Variants in SUSD6 observed in about 807,000 individuals in gnomAD.
SUSD6 encodes the protein sushi domain containing 6.
In SUSD6, 16 loss-of-function variants were observed where a neutral mutation model predicts 28.4. The ratio of observed to expected loss-of-function variants is 0.56; its 90% CI spans 0.38 to 0.86. The LOEUF is 0.86. SUSD6 is among the 40% of genes least tolerant of loss of function. The pLI, the probability that SUSD6 is intolerant of heterozygous loss-of-function variation, is 0.00. For missense variants in SUSD6, 341 were observed against 384.2 expected (o/e 0.89, Z 0.94); for synonymous variants, 147 against 159.6 (o/e 0.92, Z 0.59).
chr14:69,629,186 G>A (rs1055081560), intron 1 of SUSD6, among the ~76,000 whole-genome samples: 3 of 151,840 alleles, frequency 2.0e-5, no homozygotes, highest in African/African-American at 7.3e-5. Flanking sequence ...GAAAGGAGGG[G>A]TTGGTTAGCA....
chr14:69,625,169 C>A (rs1885096891), intron 1 of SUSD6, among the ~76,000 whole-genome samples: 4 of 152,164 alleles, frequency 2.6e-5, no homozygotes, highest in Non-Finnish European at 1.5e-5. Flanking sequence ...TGTTAAGCTC[C>A]AGCTTCTTTA....
chr14:69,644,456 C>T (rs972478288), intron 1 of SUSD6, among the ~76,000 whole-genome samples: 1 of 152,072 alleles, frequency 6.6e-6, no homozygotes, highest in Non-Finnish European at 1.5e-5. Flanking sequence ...TCGAGACCAT[C>T]CTGGCCAACA....
intron 2 of SUSD6, among the ~76,000 whole-genome samples, chr14:69,685,275 A>G (rs551820399): frequency 6.6e-6 from 1 of 152,348 alleles, no homozygotes; most frequent in South Asian, 2.1e-4. Flanking sequence ...TAGAGCCATG[A>G]GGCACATTGA....
intron 1 of SUSD6, among the ~76,000 whole-genome samples, chr14:69,634,041 T>C (rs2139598623): frequency 6.6e-6 from 1 of 152,324 alleles, no homozygotes; most frequent in African/African-American, 2.4e-5. Context: ...GTCAGACTTG[T>C]CTCCCAAGAG....
chr14:69,619,442 CTG>C (rs905681843), intron 1 of SUSD6, among the ~76,000 whole-genome samples: 60 of 152,218 alleles, frequency 3.9e-4, no homozygotes, highest in African/African-American at 1.4e-3. Context: ...TTTTAAATCT[CTG>C]TGCTGTGTAT....
chr14:69,683,687 A>G (rs1277047481), intron 2 of SUSD6, among the ~76,000 whole-genome samples: 1 of 152,224 alleles, frequency 6.6e-6, no homozygotes, highest in Non-Finnish European at 1.5e-5. Context: ...GTGTGGAGAC[A>G]TGCATAGCCA....
At chr14:69,645,228 G>T (rs959612074) in intron 1 of SUSD6, among the ~76,000 whole-genome samples, 4 of 152,122 alleles carry the variant, frequency 2.6e-5, no homozygotes, top group African/African-American at 9.7e-5. Flanking sequence ...ACATGTCCCT[G>T]GAATCCTAAA....
intron 2 of SUSD6, among the ~76,000 whole-genome samples, chr14:69,664,358 G>C (rs547576570): frequency 1.3e-5 from 2 of 152,192 alleles, no homozygotes. Context: ...TTGCCAAGGT[G>C]GTTCTATTCT....
rs1886492458 is a variant in SUSD6, at chr14:69,713,150, C to G, written c.*2171C>G. 6.6e-6 allele frequency: 1 copy of G among 152,228 alleles called. No homozygotes were observed. The highest frequency in any genetic ancestry group is 2.4e-5 in the African/African-American group (1 of 41,450). 9.4% of individuals were successfully genotyped at this position (152,228 alleles called of 1,614,324 possible). The stretch of plus-strand genomic sequence containing the variant: ...TCTTACCTTTTTCTATCTTGTTACT[C>G]TGGGGTTTTGTCCCCCTAAGAGATT... On this transcript the variant is annotated 3_prime_UTR_variant, in exon 6 of 6. Coordinates refer to ENST00000342745, the MANE Select transcript of SUSD6 (RefSeq NM_014734.4).
chr14:69,679,186 A>C (rs1291767299), intron 2 of SUSD6, among the ~76,000 whole-genome samples: 2 of 152,208 alleles, frequency 1.3e-5, no homozygotes, highest in African/African-American at 2.4e-5. Flanking sequence ...GTGGTTTTCA[A>C]GGACCTTTGA....
intron 2 of SUSD6, among the ~76,000 whole-genome samples, chr14:69,691,158 A>G (rs1392558869): frequency 1.3e-5 from 2 of 152,160 alleles, no homozygotes; most frequent in East Asian, 1.9e-4. Context: ...CCCAGGCAAC[A>G]TGGCGAAACC....
At chr14:69,633,133 T>C (rs1007098558) in intron 1 of SUSD6, among the ~76,000 whole-genome samples, 1 of 152,242 alleles carries the variant, frequency 6.6e-6, no homozygotes, top group African/African-American at 2.4e-5. Flanking sequence ...AGGAAATGAT[T>C]GTTGAACTGG....
At chr14:69,668,245 A>G (rs1325244632) in intron 2 of SUSD6, among the ~76,000 whole-genome samples, 2 of 152,222 alleles carry the variant, frequency 1.3e-5, no homozygotes, top group Admixed American at 1.3e-4. Flanking sequence ...CAACCTGCCT[A>G]GAAGAGTACG....
At chr14:69,640,711 A>G (rs977285329) in intron 1 of SUSD6, among the ~76,000 whole-genome samples, 1 of 152,240 alleles carries the variant, frequency 6.6e-6, no homozygotes, top group Admixed American at 6.5e-5. Context: ...ACTTGAAGGG[A>G]GAGAGACCAG....
intron 2 of SUSD6, among the ~76,000 whole-genome samples, chr14:69,698,068 C>G (rs971860659): frequency 3.3e-5 from 5 of 152,282 alleles, no homozygotes; most frequent in African/African-American, 1.2e-4. Context: ...TGGCTCACGC[C>G]TGTAATCCCA....
chr14:69,633,936 TG>T (rs2139598580), intron 1 of SUSD6, among the ~76,000 whole-genome samples: 1 of 152,310 alleles, frequency 6.6e-6, no homozygotes, highest in South Asian at 2.1e-4. Flanking sequence ...GGATTTTGGG[TG>T]GCCTGGAGCA....
chr14:69,677,046 T>A (rs1885920400), intron 2 of SUSD6, among the ~76,000 whole-genome samples: 1 of 151,976 alleles, frequency 6.6e-6, no homozygotes, highest in Non-Finnish European at 1.5e-5. Flanking sequence ...ATCATAGAGG[T>A]CTTACTTGAT....
At chr14:69,612,801 A>G (rs1035572587) in intron 1 of SUSD6, among the ~76,000 whole-genome samples, 22 of 152,272 alleles carry the variant, frequency 1.4e-4, no homozygotes, top group Middle Eastern at 6.8e-3. Context: ...TACTCAGTTC[A>G]ATTAGGCCTA....
chr14:69,650,051 G>A (rs1374284118), intron 1 of SUSD6, among the ~76,000 whole-genome samples: 1 of 152,162 alleles, frequency 6.6e-6, no homozygotes, highest in Non-Finnish European at 1.5e-5. Flanking sequence ...TTGGAGGGGA[G>A]GTAGTGCTAA....
Sources: allele counts gnomAD v4.1 joint callset (sites outside exome capture counted in the v4.1 genomes callset), GRCh38; gene constraint gnomAD v4.1.1; transcripts MANE v1.5; gene names NCBI Gene and HGNC (gene_info 2026-07-23, HGNC 2026-07-21).